The following PSKH2 variants were observed in gnomAD, a reference collection of about 807,000 sequenced individuals.
PSKH2 encodes the protein protein serine kinase H2.
Under a neutral mutation model 22.5 loss-of-function variants are expected in PSKH2, and 16 were observed. The observed-to-expected ratio is 0.71, with a 90% CI of 0.48 to 1.08. The LOEUF (loss-of-function observed/expected upper bound fraction) is 1.08. Among genes scored for constraint, PSKH2 ranks in the 50% least tolerant of loss-of-function variants. PSKH2 has a pLI of 0.00. For synonymous variants in PSKH2, 188 were observed against 184.8 expected, an observed-to-expected ratio of 1.02 and a Z score of -0.14; for missense variants, 516 against 492.8, an observed-to-expected ratio of 1.05 and a Z score of -0.44.
At chr8:86,067,013 G>A (rs886676923) in intron 1 of PSKH2, among the ~76,000 whole-genome samples, 9 of 151,978 alleles carry the variant, frequency 5.9e-5, no homozygotes, top group Non-Finnish European at 8.8e-5. Context: ...CTAATTTATC[G>A]CTATGCCCTC....
In PSKH2 at chr8:86,064,175, A is replaced by C; in HGVS notation, c.642T>G (p.Ser214Arg). 1.2e-6 allele frequency: 2 copies of C among 1,614,092 alleles called. No individual in the cohort carries two copies. The highest frequency in any genetic ancestry group is 8.5e-7 in the Non-Finnish European group (1 of 1,180,026). Residue 214 changes from serine to arginine, a missense_variant, in exon 2 of 3, where the codon AGT (serine) becomes AGG (arginine). Ser to Arg is a moderately radical substitution (Grantham distance 110). Coordinates refer to ENST00000276616, the MANE Select transcript of PSKH2 (RefSeq NM_033126.3). ...DFGLAYSGKK[S>R]GDWTMKTLCG... is the part of the protein sequence containing the mutation. ...AGAGTGTCTTCATTGTCCAGTCACCACTTTTTTTCCCGGAGTATGCCAAAC... is the reference window on the plus strand; with the variant it reads ...AGAGTGTCTTCATTGTCCAGTCACCCCTTTTTTTCCCGGAGTATGCCAAAC...
chr8:86,057,545 C>G (rs1238601096), intron 2 of PSKH2, among the ~76,000 whole-genome samples: 4 of 152,006 alleles, frequency 2.6e-5, no homozygotes, highest in Admixed American at 2.6e-4. Flanking sequence ...CGCCACCACA[C>G]CCAGCTAATT....
At chr8:86,049,129 C>T (rs896464732) in intron 2 of PSKH2, among the ~76,000 whole-genome samples, 27 of 152,264 alleles carry the variant, frequency 1.8e-4, no homozygotes, top group African/African-American at 6.3e-4. Flanking sequence ...CTGTCTTTTA[C>T]GAACTATGTC....
chr8:86,057,416 AGGCTGGAGTGCAGT>A lies in PSKH2; in HGVS notation c.852+6535_852+6548del, dbSNP rs1403845270. ...TGAGACAGAGTCTTAATCTGTCACC[AGGCTGGAGTGCAGT>A]GGCTGGAGTGCAGTGGCCCGATCTC... On this transcript the variant is annotated intron_variant, in intron 2 of 2. Transcript: ENST00000276616. Among the ~76,000 whole-genome samples the A allele has an allele frequency of 2.6e-5, 4 of 151,780 alleles. 1 individual carries two copies. The highest frequency in any genetic ancestry group is 4.8e-5 in the African/African-American group (2 of 41,270).
intron 2 of PSKH2, among the ~76,000 whole-genome samples, chr8:86,054,434 T>A (rs182344885): frequency 8.3e-4 from 127 of 152,342 alleles, no homozygotes; most frequent in African/African-American, 2.8e-3. Flanking sequence ...ATAAATTTTA[T>A]GTAAATATGC....
At chr8:86,068,684 C>A (rs977573490) in intron 1 of PSKH2, among the ~76,000 whole-genome samples, 2 of 152,142 alleles carry the variant, frequency 1.3e-5, no homozygotes, top group African/African-American at 4.8e-5. Flanking sequence ...CTCAAAGGCG[C>A]ATCTCTAGTT....
rs1817551621 is a variant in PSKH2 at position 86,047,987 on chromosome 8, CA to C, written c.*474del. On this transcript the variant is annotated 3_prime_UTR_variant, in exon 3 of 3. Transcript: ENST00000276616. The stretch of plus-strand genomic sequence containing the variant: ...ATTAATAATTTTTCATAAATATTTG[CA>C]GACTAAATATGAAATTAACAGACAT... 1.3e-5 allele frequency among the ~76,000 whole-genome samples: 2 copies of C among 152,008 alleles called. No individual in the cohort carries two copies. Among genetic ancestry groups the C allele is most frequent in the Non-Finnish European group, 2.9e-5 (2 of 67,982 alleles).
At chr8:86,063,901 A>C in intron 2 of PSKH2, 64 bp downstream of exon 2, 1 of 1,325,464 alleles carries the variant, frequency 7.5e-7, no homozygotes. Flanking sequence ...AAATGTCAAA[A>C]GTGACAAGGT....
intron 2 of PSKH2, among the ~76,000 whole-genome samples, chr8:86,055,839 C>T (rs148844447): frequency 6.1e-4 from 93 of 152,202 alleles, no homozygotes; most frequent in Middle Eastern, 3.4e-3. Context: ...ATCAAACAGA[C>T]ATGTTACTTC....
intron 2 of PSKH2, among the ~76,000 whole-genome samples, chr8:86,055,410 TC>T (rs2130150428): frequency 6.6e-6 from 1 of 152,334 alleles, no homozygotes; most frequent in East Asian, 1.9e-4. Flanking sequence ...TTATATCCAT[TC>T]AGTTTAAGGC....
intron 2 of PSKH2, among the ~76,000 whole-genome samples, chr8:86,052,320 G>A (rs113527204): frequency 5.3e-5 from 8 of 152,070 alleles, no homozygotes; most frequent in South Asian, 2.1e-4. Flanking sequence ...TTTGTTTGGC[G>A]TTTCTCGACA....
Position 86,048,232 on chromosome 8 carries a change from C to T in PSKH2, c.*230G>A, listed in dbSNP as rs1817556627. On this transcript the variant is annotated 3_prime_UTR_variant, in exon 3 of 3. Coordinates refer to ENST00000276616, the MANE Select transcript of PSKH2 (RefSeq NM_033126.3). The stretch of plus-strand genomic sequence containing the variant: ...GATTTTCTTATCTATTTATTGTTTC[C>T]AGTTATCTAAACATAGCTAGTATTT... 1.0e-5 allele frequency: 4 copies of T among 401,782 alleles called. No homozygotes were observed. Among genetic ancestry groups the T allele is most frequent in the South Asian group, 1.0e-4 (2 of 19,340 alleles). 24.9% of individuals were successfully genotyped at this position (401,782 alleles called of 1,614,324 possible).
chr8:86,054,119 C>T (rs1245212952), intron 2 of PSKH2, among the ~76,000 whole-genome samples: 1 of 152,000 alleles, frequency 6.6e-6, no homozygotes, highest in Non-Finnish European at 1.5e-5. Context: ...TAGATGCAAA[C>T]CTTTGAATTT....
In PSKH2 at chr8:86,064,167, C is replaced by T; in HGVS notation, c.650G>A (p.Trp217Ter). 1 of 1,614,102 alleles carries T rather than the reference C, an allele frequency of 6.2e-7. No individual in the cohort carries two copies. The highest frequency in any genetic ancestry group is 8.5e-7 in the Non-Finnish European group (1 of 1,180,026). Residue 217 changes from tryptophan to a stop codon, truncating the protein, a stop_gained, in exon 2 of 3, where the codon TGG (tryptophan) becomes TAG (stop). Coordinates refer to ENST00000276616, the MANE Select transcript of PSKH2 (RefSeq NM_033126.3). LOFTEE classifies it high-confidence loss of function. ...GGTCCCACAGAGTGTCTTCATTGTC[C>T]AGTCACCACTTTTTTTCCCGGAGTA... ...LAYSGKKSGDWTMKTLCGTPE... is the reference protein window; with the variant it reads ...LAYSGKKSGD
At chr8:86,059,904 C>T (rs1299142471) in intron 2 of PSKH2, among the ~76,000 whole-genome samples, 1 of 152,168 alleles carries the variant, frequency 6.6e-6, no homozygotes, top group African/African-American at 2.4e-5. Context: ...GAAAGCTGTC[C>T]TTTTGTGGAA....
chr8:86,049,627 GA>G, intron 2 of PSKH2, among the ~76,000 whole-genome samples: 1 of 139,504 alleles, frequency 7.2e-6, no homozygotes, highest in Non-Finnish European at 1.5e-5. Flanking sequence ...CAGAGAGAGA[GA>G]AGAGGGGAGG....
At chr8:86,058,626 C>G (rs1286613286) in intron 2 of PSKH2, among the ~76,000 whole-genome samples, 1 of 152,072 alleles carries the variant, frequency 6.6e-6, no homozygotes, top group African/African-American at 2.4e-5. Flanking sequence ...AAAGCAGCAA[C>G]CTATAGCAAC....
chr8:86,069,317 TATC>T (rs1817910477), intron 1 of PSKH2, 118 bp downstream of exon 1: 1 of 855,190 alleles, frequency 1.2e-6, no homozygotes, highest in Non-Finnish European at 1.8e-6. Context: ...GATCAGTGCC[TATC>T]ATCCGAAAGA....
At chr8:86,058,927 A>ATTTAT (rs149973011) in intron 2 of PSKH2, among the ~76,000 whole-genome samples, 1 of 151,162 alleles carries the variant, frequency 6.6e-6, no homozygotes, top group Non-Finnish European at 1.5e-5. Flanking sequence ...TTTTCATCCA[A>ATTTAT]TTTATTTTAT....
Sources: gnomAD v4.1 joint callset for allele counts (sites outside exome capture counted in the v4.1 genomes callset) on GRCh38, gnomAD v4.1.1 for gene constraint, MANE v1.5 for transcripts, NCBI Gene and HGNC (gene_info 2026-07-23, HGNC 2026-07-21) for gene names.